The following FKBP14 variants were observed in gnomAD, a reference collection of about 807,000 sequenced individuals.
FKBP14 encodes FKBP prolyl isomerase 14.
Under a neutral mutation model 21.6 loss-of-function variants are expected in FKBP14, and 20 were observed. That is an observed-to-expected ratio of 0.92 (90% confidence interval 0.65 to 1.34). FKBP14 has a LOEUF of 1.34. Ranked by LOEUF, FKBP14 falls within the 40% of genes most tolerant of loss-of-function variation. FKBP14 has a pLI of 0.00. For missense variants in FKBP14, 253 were observed against 249.0 expected, an observed-to-expected ratio of 1.02 and a Z score of -0.11; for synonymous variants, 79 against 86.7, an observed-to-expected ratio of 0.91 and a Z score of 0.49.
Position 30,026,526 on chromosome 7 carries a change from A to G in FKBP14, c.-18T>C. 6.3e-7 allele frequency: 1 copy of G among 1,596,862 alleles called. No individual in the cohort carries two copies. The highest frequency in any genetic ancestry group is 1.8e-5 in the Admixed American group (1 of 56,344). ...AGCCTCATGTTGCTGAAGCAAGGAA[A>G]GAAGTCCCTACAAAAGCAGCGAAAG... is the stretch of plus-strand genomic sequence containing the variant. On this transcript the variant is annotated 5_prime_UTR_variant, in exon 1 of 4. Coordinates refer to ENST00000222803, the MANE Select transcript of FKBP14 (RefSeq NM_017946.4).
chr7:30,026,316 A>C lies in FKBP14; in HGVS notation c.193T>G (p.Ser65Ala), dbSNP rs747251547. 6.2e-7 allele frequency: 1 copy of C among 1,603,650 alleles called. No homozygotes were observed. ...CTGCGGGGCATAATTACTTACGTGG[A>C]GTGAAATAAGGAGCCGTCCTTTTCT... ...YLEKDGSLFH[S>A]THKHNNGQPI... The change falls in exon 1 of 4, where the codon TCC becomes GCC. Residue 65 changes from serine to alanine, a missense_variant. By Grantham distance (99) the Ser-to-Ala change is moderately conservative. Transcript: ENST00000222803.
intron 2 of FKBP14, chr7:30,020,234 T>C: frequency 1.3e-5 from 16 of 1,261,076 alleles, no homozygotes; most frequent in Non-Finnish European, 1.4e-5. Flanking sequence ...TAGACAGAGA[T>C]GTGACATGCG....
chr7:30,009,422 AG>A (rs1168889223), downstream of FKBP14, among the ~76,000 whole-genome samples: 2 of 151,910 alleles, frequency 1.3e-5, no homozygotes, highest in Non-Finnish European at 2.9e-5. Flanking sequence ...TAGTAAAGAC[AG>A]GGTTTCACCA....
chr7:30,009,967 C>G (rs1159867550), downstream of FKBP14, among the ~76,000 whole-genome samples: 1 of 152,046 alleles, frequency 6.6e-6, no homozygotes, highest in African/African-American at 2.4e-5. Flanking sequence ...CCACTGGACT[C>G]CAGCCTGGCA....
rs1387640193 is a variant in FKBP14, at chr7:30,013,901, C to T, written c.*834G>A. 2 of 151,936 alleles carry T rather than the reference C, an allele frequency of 1.3e-5. No homozygotes were observed. The highest frequency in any genetic ancestry group is 1.5e-5 in the Non-Finnish European group (1 of 67,982). 9.4% of individuals were successfully genotyped at this position (151,936 alleles called of 1,614,324 possible). A position where few individuals can be genotyped will look rare whatever the true frequency, so the allele number is the denominator to read the frequency against. ...TTAACCGTGTTTCTTTTCTTTTTTT[C>T]GAGACAGAGTGTCCAGGCTGGAGGT... is the stretch of plus-strand genomic sequence containing the variant. On this transcript the variant is annotated 3_prime_UTR_variant, in exon 4 of 4. Coordinates refer to ENST00000222803, the MANE Select transcript of FKBP14 (RefSeq NM_017946.4).
rs1562834702 is a variant in FKBP14 at position 30,012,207 on chromosome 7, C to G, written c.*2528G>C. On this transcript the variant is annotated 3_prime_UTR_variant, in exon 4 of 4. Transcript: ENST00000222803. ...CCACTAATAGAAGAGTACAAAGGTA[C>G]AGTGAAACCAAAAAAAAGAGCAGAT... The G allele has an allele frequency of 6.6e-6, 1 of 152,122 alleles. No homozygotes were observed. Among genetic ancestry groups the G allele is most frequent in the East Asian group, 1.9e-4 (1 of 5,200 alleles). The allele number at this position is 152,122 out of a possible 1,614,324, so 9.4% of individuals were successfully genotyped here.
At chr7:30,017,883 C>T (rs902966044) in intron 3 of FKBP14, among the ~76,000 whole-genome samples, 2 of 152,042 alleles carry the variant, frequency 1.3e-5, no homozygotes, top group African/African-American at 2.4e-5. Flanking sequence ...CATGATGGTG[C>T]AGCTACTTGG....
At chr7:30,021,665 C>T (rs572556315) in intron 2 of FKBP14, among the ~76,000 whole-genome samples, 35 of 152,066 alleles carry the variant, frequency 2.3e-4, no homozygotes, top group Middle Eastern at 6.8e-3. Flanking sequence ...AAGCAATTCT[C>T]CTGCCTCAGC....
Position 30,019,105 on chromosome 7 carries a change from C to G in FKBP14, c.368G>C (p.Ser123Thr). 1 of 1,577,032 alleles carries G rather than the reference C, an allele frequency of 6.3e-7. No individual in the cohort carries two copies. The highest frequency in any genetic ancestry group is 1.7e-4 in the Middle Eastern group (1 of 5,996). ...GAGATCAATATTAAATATCAGTGTA[C>G]TTTCTGGGGGAATTTTACCTGACGT... is the stretch of plus-strand genomic sequence containing the variant. ...KEGKGKIPPE[S>T]TLIFNIDLLE... is the part of the protein sequence containing the mutation. Residue 123 changes from serine (S) to threonine (T), a missense_variant, in exon 3 of 4, where the codon AGT (serine) becomes ACT (threonine). Physicochemically the swap from Ser to Thr is moderately conservative, Grantham distance 58. Transcript: ENST00000222803.
intron 1 of FKBP14, among the ~76,000 whole-genome samples, chr7:30,024,586 C>T (rs1187257431): frequency 4.6e-5 from 7 of 152,038 alleles, no homozygotes; most frequent in African/African-American, 1.2e-4. Context: ...TTAGTAGAGA[C>T]GGGGTTTCAC....
At chr7:30,015,155 T>C (rs1335393738) in intron 3 of FKBP14, among the ~76,000 whole-genome samples, 2 of 152,110 alleles carry the variant, frequency 1.3e-5, no homozygotes, top group African/African-American at 4.8e-5. Context: ...GGCTCATGCC[T>C]GTTATCCCAG....
chr7:30,010,284 C>T (rs530487877), downstream of FKBP14, among the ~76,000 whole-genome samples: 19 of 152,234 alleles, frequency 1.2e-4, no homozygotes, highest in Admixed American at 7.8e-4. Flanking sequence ...ATAACCATCA[C>T]CCTCCCTCCT....
chr7:30,022,695 G>A lies in FKBP14; in HGVS notation c.319C>T (p.Pro107Ser). 1 of 1,614,000 alleles carries A rather than the reference G, an allele frequency of 6.2e-7. No homozygotes were observed. The highest frequency in any genetic ancestry group is 8.5e-7 in the Non-Finnish European group (1 of 1,179,974). The change falls in exon 2 of 4, where the codon CCT becomes TCT. Residue 107 changes from proline (P) to serine (S), a missense_variant. Coordinates refer to ENST00000222803, the MANE Select transcript of FKBP14 (RefSeq NM_017946.4). The stretch of plus-strand genomic sequence containing the variant: ...CCTTCTTTTCCATAGCCCAGAGCAG[G>A]AGGAATGATGAGCTTTCTCTTCTCT... ...VGEKRKLIIP[P>S]ALGYGKEGKG...
rs1789713170 is a variant in FKBP14, at chr7:30,011,140, A to C, written c.*3595T>G. On this transcript the variant is annotated 3_prime_UTR_variant, in exon 4 of 4. Coordinates refer to ENST00000222803, the MANE Select transcript of FKBP14 (RefSeq NM_017946.4). ...ACTGCAACCTCCACCTCCTGGATTC[A>C]AGCAATTCTCCTGCCTCAGCCTCTC... 6.6e-6 allele frequency: 1 copy of C among 151,828 alleles called. No individual in the cohort carries two copies. Among genetic ancestry groups the C allele is most frequent in the Non-Finnish European group, 1.5e-5 (1 of 67,982 alleles). 9.4% of individuals were successfully genotyped at this position (151,828 alleles called of 1,614,324 possible). A position where few individuals can be genotyped will look rare whatever the true frequency, so the allele number is the denominator to read the frequency against.
chr7:30,019,960 T>A (rs1789987871), intron 2 of FKBP14, among the ~76,000 whole-genome samples: 1 of 152,094 alleles, frequency 6.6e-6, no homozygotes, highest in Non-Finnish European at 1.5e-5. Flanking sequence ...AAATTAAAAA[T>A]CTTTAAAAGT....
Position 30,013,253 on chromosome 7 carries a change from T to G in FKBP14, c.*1482A>C, listed in dbSNP as rs369161819. 1.1e-4 allele frequency: 16 copies of G among 151,778 alleles called. No individual in the cohort carries two copies. Among genetic ancestry groups the G allele is most frequent in the South Asian group, 1.0e-3 (5 of 4,804 alleles). The allele number at this position is 151,778 out of a possible 1,614,324, so 9.4% of individuals were successfully genotyped here. On this transcript the variant is annotated 3_prime_UTR_variant, in exon 4 of 4. Coordinates refer to ENST00000222803, the MANE Select transcript of FKBP14 (RefSeq NM_017946.4). The stretch of plus-strand genomic sequence containing the variant: ...CAATAGTAGCTGCTGTAGGTCTGCT[T>G]CTTTTTTTTTTTTTGAGATGGAGTC...
chr7:30,017,940 G>C (rs1381936457), intron 3 of FKBP14, among the ~76,000 whole-genome samples: 1 of 151,960 alleles, frequency 6.6e-6, no homozygotes, highest in Non-Finnish European at 1.5e-5. Context: ...AGGTTGCAGT[G>C]AGCCGAGATT....
At position 30,012,756 on chromosome 7, in the gene FKBP14, G is replaced by A. The variant is rs1356952868; in HGVS notation, c.*1979C>T. 1 of 152,210 alleles carries A rather than the reference G, an allele frequency of 6.6e-6. No individual in the cohort carries two copies. The highest frequency in any genetic ancestry group is 1.5e-5 in the Non-Finnish European group (1 of 68,040). 9.4% of individuals were successfully genotyped at this position (152,210 alleles called of 1,614,324 possible). A position where few individuals can be genotyped will look rare whatever the true frequency, so the allele number is the denominator to read the frequency against. On this transcript the variant is annotated 3_prime_UTR_variant, in exon 4 of 4. Transcript: ENST00000222803. ...TGCAAGATTATGCTATGAAACTGAAGCCATTTCTATATCATAGTGAGAATT... is the reference window on the plus strand; with the variant it reads ...TGCAAGATTATGCTATGAAACTGAAACCATTTCTATATCATAGTGAGAATT...
chr7:30,011,545 T>C lies in FKBP14; in HGVS notation c.*3190A>G, dbSNP rs1275030971. 1.4e-5 allele frequency: 2 copies of C among 138,206 alleles called. No homozygotes were observed. The highest frequency in any genetic ancestry group is 2.7e-5 in the African/African-American group (1 of 36,594). The allele number at this position is 138,206 out of a possible 1,614,324, so 8.6% of individuals were successfully genotyped here. On this transcript the variant is annotated 3_prime_UTR_variant, in exon 4 of 4. Coordinates refer to ENST00000222803, the MANE Select transcript of FKBP14 (RefSeq NM_017946.4). Reference sequence around the variant, plus strand: ...TATATATACACACACCATATATATATATACTATATATATATATACCATATA... The same window carrying C: ...TATATATACACACACCATATATATACATACTATATATATATATACCATATA...
Sources: allele counts gnomAD v4.1 joint callset (sites outside exome capture counted in the v4.1 genomes callset), GRCh38; gene constraint gnomAD v4.1.1; transcripts MANE v1.5; gene names NCBI Gene and HGNC (gene_info 2026-07-23, HGNC 2026-07-21).